Variants in CRIPTO observed in about 807,000 individuals in gnomAD.
CRIPTO encodes the protein protein Cripto.
chr3:46,577,307 C>G, the CRIPTO span: 4 of 153,340 alleles, frequency 2.6e-5, no homozygotes, highest in African/African-American at 9.6e-5. Context: ...GAGAGCACCC[C>G]TTTCTTGGCC....
At chr3:46,574,800 C>T in the CRIPTO span, among the ~76,000 whole-genome samples, 1 of 152,226 alleles carries the variant, frequency 6.6e-6, no homozygotes, top group Admixed American at 6.5e-5. Flanking sequence ...CACAGGAAGT[C>T]TGTCCTTTGA....
the CRIPTO span, chr3:46,581,080 G>A: frequency 7.4e-7 from 1 of 1,356,794 alleles, no homozygotes; most frequent in Non-Finnish European, 1.1e-6. Context: ...TGGGCAGCAG[G>A]ATGAACTGCC....
the CRIPTO span, among the ~76,000 whole-genome samples, chr3:46,576,400 G>T: frequency 8.1e-4 from 111 of 136,570 alleles, 2 homozygotes; most frequent in South Asian, 4.7e-3. Context: ...AGAATCACTT[G>T]AACCCAGGAG....
the CRIPTO span, among the ~76,000 whole-genome samples, chr3:46,575,178 G>A: frequency 6.6e-6 from 1 of 152,188 alleles, no homozygotes; most frequent in Non-Finnish European, 1.5e-5. Flanking sequence ...CCACCTGGAG[G>A]CAGCAACAAC....
chr3:46,579,876 G>A, the CRIPTO span: 2 of 1,614,216 alleles, frequency 1.2e-6, no homozygotes, highest in Non-Finnish European at 1.7e-6. Flanking sequence ...GAGGGGCGGG[G>A]AGCCGTGGAG....
chr3:46,580,091 C>G, the CRIPTO span: 1 of 1,614,158 alleles, frequency 6.2e-7, no homozygotes, highest in Non-Finnish European at 8.5e-7. Flanking sequence ...TTCTTTTGCC[C>G]TTTGAAGTTA....
chr3:46,578,970 T>G, the CRIPTO span: 3 of 1,091,060 alleles, frequency 2.7e-6, no homozygotes, highest in Non-Finnish European at 4.2e-6. Context: ...AAAAGAAAGA[T>G]GGTGCTCTAC....
At chr3:46,576,480 C>CAAAAAA in the CRIPTO span, among the ~76,000 whole-genome samples, 66 of 55,044 alleles carry the variant, frequency 1.2e-3, 3 homozygotes, top group Middle Eastern at 0.012. Flanking sequence ...GACTCTGTCG[C>CAAAAAA]AAAAAAAAAA....
At chr3:46,580,995 C>G in the CRIPTO span, 1 of 716,796 alleles carries the variant, frequency 1.4e-6, no homozygotes, top group Non-Finnish European at 2.5e-6. Context: ...GAAGGCATCA[C>G]CACTGGGCTA....
chr3:46,578,452 C>A, the CRIPTO span, among the ~76,000 whole-genome samples: 2 of 151,874 alleles, frequency 1.3e-5, no homozygotes, highest in East Asian at 3.9e-4. Context: ...CGGTGGCTCA[C>A]GCCTGTAATC....
chr3:46,581,954 T>G, the CRIPTO span: 1 of 152,904 alleles, frequency 6.5e-6, no homozygotes, highest in South Asian at 2.1e-4. Flanking sequence ...CAAAATCAAT[T>G]AAAATAGTCT....
the CRIPTO span, chr3:46,577,849 C>A: frequency 8.7e-7 from 1 of 1,145,924 alleles, no homozygotes; most frequent in Non-Finnish European, 1.3e-6. Context: ...ACGAATTTCT[C>A]ATTTTCTTCT....
At chr3:46,580,427 C>A in the CRIPTO span, among the ~76,000 whole-genome samples, 1 of 152,112 alleles carries the variant, frequency 6.6e-6, no homozygotes, top group African/African-American at 2.4e-5. Flanking sequence ...ATGGGCAGCT[C>A]ATTTAGAGCC....
At chr3:46,576,316 A>G in the CRIPTO span, among the ~76,000 whole-genome samples, 1 of 151,886 alleles carries the variant, frequency 6.6e-6, no homozygotes, top group Non-Finnish European at 1.5e-5. Flanking sequence ...GAAAATACAA[A>G]AATTAGCCGG....
At chr3:46,582,374 G>C in the CRIPTO span, 4 of 152,122 alleles carry the variant, frequency 2.6e-5, no homozygotes, top group Admixed American at 2.0e-4. Flanking sequence ...TGTAAACCAA[G>C]TGATCAAACT....
chr3:46,578,267 G>A, the CRIPTO span, among the ~76,000 whole-genome samples: 4 of 149,890 alleles, frequency 2.7e-5, no homozygotes, highest in African/African-American at 9.9e-5. Context: ...CTTTATTCTT[G>A]TACAAATAAA....
the CRIPTO span, chr3:46,579,274 T>C: frequency 3.7e-6 from 6 of 1,614,062 alleles, no homozygotes; most frequent in East Asian, 2.2e-5. Context: ...CGGGGATACC[T>C]GGCCTTCAGA....
chr3:46,580,668 C>T, the CRIPTO span, among the ~76,000 whole-genome samples: 1 of 152,212 alleles, frequency 6.6e-6, no homozygotes, highest in Non-Finnish European at 1.5e-5. Flanking sequence ...ACAGTCCTCT[C>T]TCCACCCTAG....
the CRIPTO span, chr3:46,581,145 G>A: frequency 1.2e-6 from 2 of 1,614,078 alleles, no homozygotes; most frequent in Non-Finnish European, 1.7e-6. Flanking sequence ...GCCTTGTGAT[G>A]GATGAGCACC....
Sources: gnomAD v4.1 joint callset for allele counts (sites outside exome capture counted in the v4.1 genomes callset) on GRCh38, gnomAD v4.1.1 for gene constraint, MANE v1.5 for transcripts, NCBI Gene and HGNC (gene_info 2026-07-23, HGNC 2026-07-21) for gene names.